The following SH2D4A variants were observed in gnomAD, a reference collection of about 807,000 sequenced individuals.
SH2D4A encodes the protein SH2 domain-containing protein 4A.
A neutral mutation model predicts 64.7 loss-of-function variants in SH2D4A; 70 were observed. The observed-to-expected ratio is 1.08, with a 90% CI of 0.89 to 1.32. The LOEUF (loss-of-function observed/expected upper bound fraction) is 1.32, where lower values mean the gene tolerates loss of function less well. SH2D4A is among the 40% of genes most tolerant of loss of function. The pLI is 0.00. For missense variants in SH2D4A, 706 were observed against 540.1 expected, an observed-to-expected ratio of 1.31 and a Z score of -3.04; for synonymous variants, 268 against 200.7, an observed-to-expected ratio of 1.34 and a Z score of -2.83.
At chr8:19,382,242 C>T (rs1016662163) in intron 8 of SH2D4A, among the ~76,000 whole-genome samples, 2 of 152,122 alleles carry the variant, frequency 1.3e-5, no homozygotes, top group African/African-American at 4.8e-5. Context: ...TTGCATCTCA[C>T]TTTTAAAGGA....
chr8:19,361,077 C>G, intron 5 of SH2D4A, 126 bp from the exon 6 acceptor site: 1 of 540,864 alleles, frequency 1.8e-6, no homozygotes, highest in Non-Finnish European at 3.3e-6. Flanking sequence ...CCTAGTGGGC[C>G]AGAGAGTTAG....
intron 7 of SH2D4A, 63 bp from the exon 8 acceptor site, chr8:19,373,467 A>ATAT: frequency 2.1e-6 from 2 of 966,904 alleles, no homozygotes; most frequent in Non-Finnish European, 1.4e-6. Flanking sequence ...TATATATATG[A>ATAT]CTTTTGAGGG....
At chr8:19,384,742 C>G (rs1408728643) in intron 8 of SH2D4A, among the ~76,000 whole-genome samples, 1 of 152,170 alleles carries the variant, frequency 6.6e-6, no homozygotes, top group East Asian at 1.9e-4. Context: ...TTCCCCAAGA[C>G]AGGGCCAAAG....
intron 2 of SH2D4A, among the ~76,000 whole-genome samples, chr8:19,331,884 C>T (rs528728515): frequency 4.6e-5 from 7 of 152,260 alleles, no homozygotes; most frequent in South Asian, 2.1e-4. Flanking sequence ...AGGATTTGAA[C>T]TCAAGGTGGT....
intron 8 of SH2D4A, among the ~76,000 whole-genome samples, chr8:19,385,130 TTTTATATTTTAATCTAC>T: frequency 6.6e-6 from 1 of 152,324 alleles, no homozygotes; most frequent in East Asian, 1.9e-4. Context: ...GGTCCCAGTA[TTTTATATTTTAATCTAC>T]TTAGCAAGCA....
intron 2 of SH2D4A, 71 bp from the exon 3 acceptor site, chr8:19,332,884 G>T (rs2052385884): frequency 7.5e-6 from 11 of 1,475,804 alleles, no homozygotes; most frequent in Non-Finnish European, 8.3e-6. Flanking sequence ...ATACTTTAGT[G>T]ATGGAAACAG....
intron 4 of SH2D4A, among the ~76,000 whole-genome samples, chr8:19,340,297 A>G (rs989173880): frequency 6.6e-6 from 1 of 152,182 alleles, no homozygotes; most frequent in Non-Finnish European, 1.5e-5. Context: ...GACTCTTTTC[A>G]GGAACAATTG....
chr8:19,334,918 G>A (rs756074575), intron 4 of SH2D4A, 61 bp downstream of exon 4: 513 of 1,521,372 alleles, frequency 3.4e-4, no homozygotes, highest in Middle Eastern at 1.1e-3. Context: ...AAGCTATTGA[G>A]GCCACAGAGA....
At chr8:19,348,586 G>A (rs1455701505) in intron 4 of SH2D4A, among the ~76,000 whole-genome samples, 1 of 152,142 alleles carries the variant, frequency 6.6e-6, no homozygotes, top group Non-Finnish European at 1.5e-5. Flanking sequence ...TCAGTGGTTT[G>A]CCTTTTAAAA....
At chr8:19,319,819 G>A (rs1405370874) in intron 2 of SH2D4A, 91 bp downstream of exon 2, 4 of 1,355,376 alleles carry the variant, frequency 3.0e-6, no homozygotes, top group Non-Finnish European at 2.9e-6. Flanking sequence ...AGCAAAGCAG[G>A]TGCAAGTTCC....
intron 1 of SH2D4A, among the ~76,000 whole-genome samples, chr8:19,317,598 G>A (rs1287059852): frequency 6.6e-6 from 1 of 152,124 alleles, no homozygotes; most frequent in Non-Finnish European, 1.5e-5. Context: ...TGTTGAGCGT[G>A]CTTGTCTCAA....
At chr8:19,314,392 C>T (rs1000980328) in intron 1 of SH2D4A, among the ~76,000 whole-genome samples, 19 of 152,160 alleles carry the variant, frequency 1.2e-4, no homozygotes, top group Admixed American at 1.2e-3. Context: ...AGGGGCGCCC[C>T]CACGTGGGGT....
intron 8 of SH2D4A, among the ~76,000 whole-genome samples, chr8:19,390,912 T>C (rs1271773489): frequency 6.6e-6 from 1 of 152,212 alleles, no homozygotes; most frequent in Non-Finnish European, 1.5e-5. Context: ...ATTTCCAGAA[T>C]AGCTTTAATT....
chr8:19,315,086 G>T (rs1227559200), intron 1 of SH2D4A, among the ~76,000 whole-genome samples: 1 of 142,506 alleles, frequency 7.0e-6, no homozygotes, highest in South Asian at 2.3e-4. Flanking sequence ...AAAAAAAACC[G>T]CAGTTACTTT....
chr8:19,356,923 A>G (rs1329127170), intron 4 of SH2D4A, among the ~76,000 whole-genome samples: 1 of 152,256 alleles, frequency 6.6e-6, no homozygotes, highest in Admixed American at 6.5e-5. Context: ...AGGGCCCTCC[A>G]GGGCCAACTA....
At chr8:19,373,444 G>GTGTA (rs143003649) in intron 7 of SH2D4A, 86 bp from the exon 8 acceptor site, 77 of 601,038 alleles carry the variant, frequency 1.3e-4, no homozygotes, top group East Asian at 9.2e-4. Context: ...ATGTGTGTGT[G>GTGTA]TATATATATA....
chr8:19,376,294 G>A (rs1259601319), intron 8 of SH2D4A, among the ~76,000 whole-genome samples: 1 of 152,118 alleles, frequency 6.6e-6, no homozygotes, highest in Non-Finnish European at 1.5e-5. Context: ...ACATTATGGA[G>A]GGTAATCTGC....
At chr8:19,347,257 G>A (rs978421410) in intron 4 of SH2D4A, among the ~76,000 whole-genome samples, 1 of 152,186 alleles carries the variant, frequency 6.6e-6, no homozygotes. Context: ...TTTGAGACAC[G>A]CACGTTCAGA....
intron 9 of SH2D4A, among the ~76,000 whole-genome samples, chr8:19,393,839 A>C (rs925756547): frequency 6.6e-6 from 1 of 152,202 alleles, no homozygotes; most frequent in African/African-American, 2.4e-5. Context: ...AGCAATCCCC[A>C]AACTTTGTGA....
Sources: allele counts gnomAD v4.1 joint callset (sites outside exome capture counted in the v4.1 genomes callset), GRCh38; gene constraint gnomAD v4.1.1; transcripts MANE v1.5; gene names NCBI Gene and HGNC (gene_info 2026-07-23, HGNC 2026-07-21).